ANKFN1: variants seen among roughly 807,000 people sequenced by gnomAD.
ANKFN1 encodes the protein ankyrin repeat and fibronectin type III domain containing 1, also known as ankyrin repeat and fibronectin type-III domain-containing protein 1.
ANKFN1 carries 74 observed loss-of-function variants against 108.7 expected under a neutral mutation model. That is an observed-to-expected ratio of 0.68 (90% CI 0.56 to 0.83). ANKFN1 has a LOEUF of 0.83. ANKFN1 is among the 40% of genes least tolerant of loss of function. The pLI is 0.00. For missense variants in ANKFN1, 1,505 were observed against 1,382.3 expected (o/e 1.09, Z -1.41); for synonymous variants, 547 against 516.2 (o/e 1.06, Z -0.81).
intron 4 of ANKFN1, among the ~76,000 whole-genome samples, chr17:56,082,824 A>G (rs1905264632): frequency 6.6e-6 from 1 of 151,688 alleles, no homozygotes; most frequent in South Asian, 2.1e-4. Flanking sequence ...ACTTGGTCCA[A>G]TGGAGGACAA....
chr17:56,206,355 T>C (rs1008479850), intron 1 of ANKFN1: 8 of 152,304 alleles, frequency 5.3e-5, no homozygotes, highest in Non-Finnish European at 7.3e-5. Context: ...CCATGGCCCA[T>C]GATTACATGA....
chr17:56,242,869 A>T lies in ANKFN1; in HGVS notation c.53+14912A>T, dbSNP rs553612876. 3.4e-4 allele frequency among the ~76,000 whole-genome samples: 52 copies of T among 152,180 alleles called. 1 individual carries two copies. Among genetic ancestry groups the T allele is most frequent in the African/African-American group, 8.4e-4 (35 of 41,526 alleles). The stretch of plus-strand genomic sequence containing the variant: ...ATTCCTTGTTTACTAGGATTTTTTT[A>T]AAAAAACATGATTGTGTATTTAATT... On this transcript the variant is annotated intron_variant, in intron 3 of 20. Transcript: ENST00000682825.
chr17:56,479,976 C>T (rs2053299095), intron 16 of ANKFN1, among the ~76,000 whole-genome samples: 2 of 152,216 alleles, frequency 1.3e-5, no homozygotes, highest in South Asian at 4.1e-4. Context: ...GGGGGCAAAC[C>T]AGATGTGCTT....
chr17:56,279,412 A>G (rs901280350), intron 3 of ANKFN1, among the ~76,000 whole-genome samples: 1 of 152,164 alleles, frequency 6.6e-6, no homozygotes, highest in Non-Finnish European at 1.5e-5. Flanking sequence ...ATATTATCAG[A>G]TATTCTGTGT....
chr17:56,278,603 T>C (rs1249862349), intron 3 of ANKFN1, among the ~76,000 whole-genome samples: 3 of 152,250 alleles, frequency 2.0e-5, no homozygotes, highest in Non-Finnish European at 4.4e-5. Flanking sequence ...TTTAGGAATA[T>C]GCAGACTGAT....
chr17:56,070,617 A>G (rs73323688), intron 4 of ANKFN1, among the ~76,000 whole-genome samples: 1,917 of 152,128 alleles, frequency 0.013, 44 homozygotes, highest in African/African-American at 0.043. Context: ...ATAGAGGTTT[A>G]TGTTTGTTCT....
Position 56,498,937 on chromosome 17 carries a change from C to A in ANKFN1, c.2483C>A (p.Ala828Glu). 6.5e-7 allele frequency: 1 copy of A among 1,535,696 alleles called. No individual in the cohort carries two copies. Among genetic ancestry groups the A allele is most frequent in the Non-Finnish European group, 8.7e-7 (1 of 1,146,616 alleles). The change falls in exon 20 of 21, where the codon GCA (alanine) becomes GAA (glutamate). Residue 828 changes from alanine (A) to glutamate (E), a missense_variant. By Grantham distance (107) the Ala-to-Glu change is moderately radical (BLOSUM62 -1). Transcript: ENST00000682825. ...TGGATCATGGATGCTCTACAGTATG[C>A]AAGATACAAACAACCAGTTTCTGGC... The part of the protein sequence containing the change: ...MRWIMDALQY[A>E]RYKQPVSGLP...
In ANKFN1 at chr17:56,437,709, A is replaced by T. The variant is rs566975571; in HGVS notation, c.911-2618A>T. On this transcript the variant is annotated intron_variant, in intron 8 of 20. Transcript: ENST00000682825. ...CAGAGACTTGGCTTCTTCAAGAGTT[A>T]GTAGCTCGTAAGTGGAATAAAACAT... Among the ~76,000 whole-genome samples, 3 of 152,282 alleles carry T rather than the reference A, an allele frequency of 2.0e-5. No individual in the cohort carries two copies. The East Asian group carries it at 5.8e-4, about 29-fold the overall frequency.
At chr17:56,442,780 C>T (rs1438969379) in intron 9 of ANKFN1, 63 bp from the exon 10 acceptor site, 3 of 1,440,104 alleles carry the variant, frequency 2.1e-6, no homozygotes, top group Non-Finnish European at 2.9e-6. Flanking sequence ...ATTCTATACC[C>T]ATAGAGTCTA....
At chr17:56,286,136 T>C (rs2044210850) in intron 3 of ANKFN1, among the ~76,000 whole-genome samples, 1 of 152,122 alleles carries the variant, frequency 6.6e-6, no homozygotes, top group Non-Finnish European at 1.5e-5. Context: ...AATTCCAAAT[T>C]GGCCTAGACT....
chr17:56,338,245 T>G (rs1306651235), intron 4 of ANKFN1, among the ~76,000 whole-genome samples: 4 of 151,996 alleles, frequency 2.6e-5, no homozygotes. Context: ...AGGTGGGAAT[T>G]GAACAATGAG....
In ANKFN1 at chr17:56,457,249, CT is replaced by C; in HGVS notation, c.1308-3del. On this transcript the variant is annotated splice_polypyrimidine_tract_variant and splice_region_variant and intron_variant, in intron 12 of 20. Transcript: ENST00000682825. ...GGACAATGCTTTTATTTTCCTTTTT[CT>C]TTTTAGGGGACTCTACATAGCCGTT... 1 of 1,547,182 alleles carries C rather than the reference CT, an allele frequency of 6.5e-7. No homozygotes were observed. Among genetic ancestry groups the C allele is most frequent in the Non-Finnish European group, 8.7e-7 (1 of 1,150,890 alleles).
At chr17:56,386,580 GT>G (rs57390170) in intron 8 of ANKFN1, among the ~76,000 whole-genome samples, 2,074 of 109,934 alleles carry the variant, frequency 0.019, 20 homozygotes, top group African/African-American at 0.059. Flanking sequence ...CATCTCATGA[GT>G]TTTTTTTTTT....
At chr17:56,239,748 A>G (rs1917441034) in intron 3 of ANKFN1, among the ~76,000 whole-genome samples, 2 of 152,082 alleles carry the variant, frequency 1.3e-5, no homozygotes. Context: ...CGAAGAAAAA[A>G]AATTCACATG....
In ANKFN1 at chr17:56,350,777, T is replaced by A; in HGVS notation, c.200T>A (p.Val67Glu). ...TTTCCTCTTCTTAGGAATTGTCGTG[T>A]GAAAATGACGCAACAAATGCAAAAT... ...ASNSINWNCR[V>E]KMTQQMQNLH... is the part of the protein sequence containing the mutation. Residue 67 changes from valine to glutamate, a missense_variant, in exon 5 of 21, where the codon GTG becomes GAG. Coordinates refer to ENST00000682825, the MANE Select transcript of ANKFN1 (RefSeq NM_001370326.1). 6.2e-7 allele frequency: 1 copy of A among 1,613,620 alleles called. No homozygotes were observed. The highest frequency in any genetic ancestry group is 8.5e-7 in the Non-Finnish European group (1 of 1,179,720).
chr17:56,368,004 C>A, intron 6 of ANKFN1: 2 of 268,814 alleles, frequency 7.4e-6, no homozygotes, highest in Non-Finnish European at 1.4e-5. Context: ...GTCATCCCAT[C>A]TCCCTGGGTC....
intron 2 of ANKFN1, among the ~76,000 whole-genome samples, chr17:56,226,339 T>G (rs1353327833): frequency 6.6e-6 from 1 of 152,176 alleles, no homozygotes; most frequent in Non-Finnish European, 1.5e-5. Flanking sequence ...CTTACCTGTA[T>G]AAAGAGGAAT....
At chr17:56,358,096 C>G (rs1250192617) in intron 6 of ANKFN1, among the ~76,000 whole-genome samples, 1 of 152,142 alleles carries the variant, frequency 6.6e-6, no homozygotes, top group Non-Finnish European at 1.5e-5. Flanking sequence ...TATTTTGGCT[C>G]TCCATCTGCT....
chr17:56,253,729 A>G (rs117791064), intron 3 of ANKFN1, among the ~76,000 whole-genome samples: 448 of 152,222 alleles, frequency 2.9e-3, no homozygotes, highest in Middle Eastern at 6.8e-3. Flanking sequence ...ACAGAGTAAG[A>G]TCTTGTCTCA....
Sources: gnomAD v4.1 joint callset for allele counts (sites outside exome capture counted in the v4.1 genomes callset) on GRCh38, gnomAD v4.1.1 for gene constraint, MANE v1.5 for transcripts, NCBI Gene and HGNC (gene_info 2026-07-23, HGNC 2026-07-21) for gene names.